The following OPCML variants were observed in gnomAD, a reference collection of about 807,000 sequenced individuals.
OPCML encodes the protein opioid binding protein/cell adhesion molecule like.
In OPCML, 13 loss-of-function variants were observed where a neutral mutation model predicts 37.8. The observed-to-expected ratio is 0.34, with a 90% CI of 0.22 to 0.55. OPCML has a LOEUF of 0.55. Among genes scored for constraint, OPCML ranks in the 20% least tolerant of loss-of-function variants. The pLI is 0.91. For missense variants in OPCML, 341 were observed against 435.6 expected (o/e 0.78, Z 1.93); for synonymous variants, 176 against 168.8 (o/e 1.04, Z -0.33).
intron 1 of OPCML, among the ~76,000 whole-genome samples, chr11:133,366,454 A>G (rs1047507460): frequency 2.6e-5 from 4 of 152,148 alleles, no homozygotes; most frequent in African/African-American, 9.7e-5. Context: ...ACAGAGCTCA[A>G]TGTGTCTGGG....
intron 1 of OPCML, among the ~76,000 whole-genome samples, chr11:132,983,698 C>T (rs1285935003): frequency 6.6e-6 from 1 of 152,178 alleles, no homozygotes; most frequent in Admixed American, 6.5e-5. Flanking sequence ...CCCATATCAT[C>T]CAGGAAAGTT....
intron 2 of OPCML, among the ~76,000 whole-genome samples, chr11:132,703,041 CAGT>C (rs1195241208): frequency 6.6e-6 from 1 of 152,096 alleles, no homozygotes; most frequent in Non-Finnish European, 1.5e-5. Context: ...TTTTTTCAGG[CAGT>C]TCCTATATTT....
intron 1 of OPCML, among the ~76,000 whole-genome samples, chr11:133,389,732 T>C (rs1945128596): frequency 6.6e-6 from 1 of 152,226 alleles, no homozygotes; most frequent in Non-Finnish European, 1.5e-5. Flanking sequence ...GGGGACATTC[T>C]TTGAAATGGT....
chr11:133,475,111 C>T (rs7932606), intron 1 of OPCML, among the ~76,000 whole-genome samples: 8,914 of 152,156 alleles, frequency 0.059, 822 homozygotes, highest in African/African-American at 0.2. Flanking sequence ...GGAAATATTT[C>T]GGCAGTTTTT....
intron 1 of OPCML, among the ~76,000 whole-genome samples, chr11:132,964,121 A>T (rs1446349311): frequency 1.3e-5 from 2 of 152,222 alleles, no homozygotes; most frequent in East Asian, 3.9e-4. Flanking sequence ...GGAAAGTCAC[A>T]GTCCAGGAAA....
intron 2 of OPCML, among the ~76,000 whole-genome samples, chr11:132,827,055 C>T (rs947938178): frequency 6.6e-6 from 1 of 152,148 alleles, no homozygotes; most frequent in African/African-American, 2.4e-5. Context: ...TCTCTTGTTC[C>T]ATGGTTGTTT....
At chr11:133,119,856 G>C (rs1357913412) in intron 1 of OPCML, among the ~76,000 whole-genome samples, 1 of 152,194 alleles carries the variant, frequency 6.6e-6, no homozygotes, top group Non-Finnish European at 1.5e-5. Flanking sequence ...GTGGGCGGTG[G>C]AGCAGGTAGC....
intron 7 of OPCML, among the ~76,000 whole-genome samples, chr11:132,421,160 T>G (rs1592149024): frequency 6.6e-6 from 1 of 152,160 alleles, no homozygotes; most frequent in Non-Finnish European, 1.5e-5. Flanking sequence ...GGCAGGTGTA[T>G]CTAACTTGGA....
chr11:133,147,449 C>G (rs80088880), intron 1 of OPCML, among the ~76,000 whole-genome samples: 1,843 of 152,198 alleles, frequency 0.012, 33 homozygotes, highest in African/African-American at 0.042. Flanking sequence ...AAAGCCCTAC[C>G]CGCTTCAAAA....
chr11:132,872,294 T>C (rs369287336), intron 2 of OPCML, among the ~76,000 whole-genome samples: 1 of 152,218 alleles, frequency 6.6e-6, no homozygotes, highest in Non-Finnish European at 1.5e-5. Flanking sequence ...ATATTCTTTC[T>C]TTTCCATTAA....
At position 132,441,118 on chromosome 11, in the gene OPCML, T is replaced by A. The variant is rs552601678; in HGVS notation, c.506-3759A>T. The stretch of plus-strand genomic sequence containing the variant: ...GAGGTGGGGTAAGCAAGATGGCCTG[T>A]GAGCCATTGGAAAGATTCTGAAGAT... On this transcript the variant is annotated intron_variant, in intron 4 of 7. Coordinates refer to ENST00000524381, the MANE Select transcript of OPCML (RefSeq NM_001012393.5). 2.0e-5 allele frequency among the ~76,000 whole-genome samples: 3 copies of A among 150,200 alleles called. No homozygotes were observed. The South Asian group carries it at 6.3e-4, about 32-fold the overall frequency.
chr11:132,779,953 G>T (rs527521653), intron 2 of OPCML, among the ~76,000 whole-genome samples: 35 of 151,718 alleles, frequency 2.3e-4, no homozygotes, highest in East Asian at 3.9e-4. Context: ...TTATTTTTTT[G>T]TTGTTGTTGT....
chr11:132,969,056 A>G (rs1177259807), intron 1 of OPCML, among the ~76,000 whole-genome samples: 3 of 152,132 alleles, frequency 2.0e-5, no homozygotes, highest in African/African-American at 7.2e-5. Flanking sequence ...TACCATCACC[A>G]GAGCGCTATA....
At chr11:133,305,269 A>T (rs765500929) in intron 1 of OPCML, among the ~76,000 whole-genome samples, 1 of 152,204 alleles carries the variant, frequency 6.6e-6, no homozygotes, top group Non-Finnish European at 1.5e-5. Flanking sequence ...CTTCAGATTC[A>T]TGGGCTTCCC....
chr11:132,706,082 AG>A (rs1370545095), intron 2 of OPCML, among the ~76,000 whole-genome samples: 1 of 152,148 alleles, frequency 6.6e-6, no homozygotes, highest in Non-Finnish European at 1.5e-5. Flanking sequence ...CTGGGATTAC[AG>A]GCATGAGCTA....
intron 1 of OPCML, among the ~76,000 whole-genome samples, chr11:133,457,234 C>T (rs1415872383): frequency 2.6e-5 from 4 of 152,058 alleles, no homozygotes; most frequent in African/African-American, 9.7e-5. Context: ...TTTCTTAAAG[C>T]ATCAGTCAAG....
intron 1 of OPCML, among the ~76,000 whole-genome samples, chr11:133,184,524 C>G (rs1273792846): frequency 6.6e-6 from 1 of 152,138 alleles, no homozygotes. Context: ...AGGAGCGAGG[C>G]TGGTCATGGC....
chr11:132,562,114 G>A (rs899518856), intron 3 of OPCML, among the ~76,000 whole-genome samples: 2 of 152,148 alleles, frequency 1.3e-5, no homozygotes, highest in Non-Finnish European at 2.9e-5. Flanking sequence ...TATTTGAGTT[G>A]TAATATGTGT....
rs1592077583 is a variant in OPCML, at chr11:133,178,814, G to C, written c.62-235804C>G. Among the ~76,000 whole-genome samples the C allele has an allele frequency of 2.0e-5, 3 of 152,294 alleles. No individual in the cohort carries two copies. In the South Asian group the frequency reaches 6.2e-4, roughly 32 times the overall value. On this transcript the variant is annotated intron_variant, in intron 1 of 7. Coordinates refer to ENST00000524381, the MANE Select transcript of OPCML (RefSeq NM_001012393.5). ...TTTAATAAACATAATTGAGTTGATT[G>C]CTCAAATTCCAAAATGAGAAGACTA... is the stretch of plus-strand genomic sequence containing the variant.
Sources: gnomAD v4.1 joint callset for allele counts (sites outside exome capture counted in the v4.1 genomes callset) on GRCh38, gnomAD v4.1.1 for gene constraint, MANE v1.5 for transcripts, NCBI Gene and HGNC (gene_info 2026-07-23, HGNC 2026-07-21) for gene names.